CARHSP1: variants seen among roughly 807,000 people sequenced by gnomAD.
CARHSP1 encodes calcium-regulated heat-stable protein 1.
CARHSP1 carries 14 observed loss-of-function variants against 12.5 expected under a neutral mutation model. The ratio of observed to expected loss-of-function variants is 1.12; its 90% CI spans 0.74 to 1.75. The LOEUF is 1.75. Ranked by LOEUF, CARHSP1 falls within the 40% of genes most tolerant of loss-of-function variation. The pLI is 0.00. For missense variants in CARHSP1, 343 were observed against 201.6 expected, an observed-to-expected ratio of 1.70 and a Z score of -4.25; for synonymous variants, 161 against 82.0, an observed-to-expected ratio of 1.96 and a Z score of -5.20.
At position 8,855,158 on chromosome 16, in the gene CARHSP1, C is replaced by A; in HGVS notation, c.*6G>T. ...AGCACAGGACAAGGGGTGCTTCCACCATCTCCTAGGAGCTGATGACATGTC... is the reference window on the plus strand; with the variant it reads ...AGCACAGGACAAGGGGTGCTTCCACAATCTCCTAGGAGCTGATGACATGTC... On this transcript the variant is annotated 3_prime_UTR_variant, in exon 4 of 4. Transcript: ENST00000311052. The A allele has an allele frequency of 1.9e-6, 3 of 1,569,840 alleles. No homozygotes were observed. Among genetic ancestry groups the A allele is most frequent in the Non-Finnish European group, 1.7e-6 (2 of 1,153,638 alleles).
At position 8,858,888 on chromosome 16, in the gene CARHSP1, G is replaced by A. The variant is rs181758766; in HGVS notation, c.158+283C>T. ...CAGCTGCAGAATTCACAGTCTCACAGGGAACCAGACTCTCATGTGTGGTTA... is the reference window on the plus strand; with the variant it reads ...CAGCTGCAGAATTCACAGTCTCACAAGGAACCAGACTCTCATGTGTGGTTA... On this transcript the variant is annotated intron_variant, in intron 2 of 3. Transcript: ENST00000311052. The A allele has an allele frequency of 7.1e-6, 3 of 423,822 alleles. No homozygotes were observed. In the East Asian group the frequency reaches 1.1e-4, roughly 16 times the overall value. The allele number at this position is 423,822 out of a possible 1,614,324, so 26.3% of individuals were successfully genotyped here. A position where few individuals can be genotyped will look rare whatever the true frequency, so the allele number is the denominator to read the frequency against.
At position 8,853,181 on chromosome 16, in the gene CARHSP1, A is replaced by G. The variant is rs2060992409; in HGVS notation, c.*1983T>C. On this transcript the variant is annotated 3_prime_UTR_variant, in exon 4 of 4. Coordinates refer to ENST00000311052, the MANE Select transcript of CARHSP1 (RefSeq NM_014316.4). ...GTGGCCAAACAGGAAGGACAGAGTA[A>G]GAGCCGCTGACAAAGGATTCTGCCA... 1 of 152,110 alleles carries G rather than the reference A, an allele frequency of 6.6e-6. No individual in the cohort carries two copies. Among genetic ancestry groups the G allele is most frequent in the Non-Finnish European group, 1.5e-5 (1 of 68,030 alleles). The allele number at this position is 152,110 out of a possible 1,614,324, so 9.4% of individuals were successfully genotyped here.
At chr16:8,866,348 G>T in intron 1 of CARHSP1, 1 of 786,738 alleles carries the variant, frequency 1.3e-6, no homozygotes, top group Non-Finnish European at 1.5e-6. Flanking sequence ...ACAGCCCAAG[G>T]CTTAACAGTG....
At chr16:8,861,637 C>T (rs1282967385) in intron 1 of CARHSP1, 1 of 1,289,032 alleles carries the variant, frequency 7.8e-7, no homozygotes, top group Non-Finnish European at 1.0e-6. Flanking sequence ...TGGTGGCTGG[C>T]TTGCCTTCTG....
Position 8,859,161 on chromosome 16 carries a change from C to G in CARHSP1, c.158+10G>C. 6.3e-7 allele frequency: 1 copy of G among 1,591,682 alleles called. No homozygotes were observed. The highest frequency in any genetic ancestry group is 8.6e-7 in the Non-Finnish European group (1 of 1,166,612). ...TCTGAGAACGCGTCCCCAGCCTGCT[C>G]CAGACTCACGCCGAGAAGGTCCTCG... On this transcript the variant is annotated intron_variant, in intron 2 of 3. Coordinates refer to ENST00000311052, the MANE Select transcript of CARHSP1 (RefSeq NM_014316.4).
chr16:8,863,047 G>C lies in CARHSP1; in HGVS notation c.-7-3712C>G, dbSNP rs1395025171. ...GCACAGGGCCCCTCTGTGTCCCAAG[G>C]GCCCAGCACAGGCACTGGCACAGAG... On this transcript the variant is annotated intron_variant, in intron 1 of 3. Transcript: ENST00000311052. Among the ~76,000 whole-genome samples the C allele has an allele frequency of 2.0e-5, 3 of 150,802 alleles. No individual in the cohort carries two copies. In the South Asian group the frequency reaches 6.3e-4, roughly 31 times the overall value.
chr16:8,858,788 A>G, intron 2 of CARHSP1: 1 of 424,508 alleles, frequency 2.4e-6, no homozygotes, highest in Non-Finnish European at 4.2e-6. Context: ...AGCATCCTCC[A>G]CTCGCAAGGC....
chr16:8,862,017 T>TTTTTTTTTA (rs869072327), intron 1 of CARHSP1, among the ~76,000 whole-genome samples: 1 of 122,352 alleles, frequency 8.2e-6, no homozygotes, highest in South Asian at 2.6e-4. Flanking sequence ...TTTTTTTTTT[T>TTTTTTTTTA]AATTTGAGAT....
At chr16:8,858,571 G>A (rs1805939531) in intron 2 of CARHSP1, 99 bp from the exon 3 acceptor site, 4 of 1,432,814 alleles carry the variant, frequency 2.8e-6, no homozygotes, top group South Asian at 2.6e-5. Flanking sequence ...TCAAGCCCTG[G>A]CCAGGACCGC....
rs1270524161 is a variant in CARHSP1 at position 8,855,174 on chromosome 16, A to ATGACATGT, written c.426_433dup (p.Ile145AsnfsTer85). ...TGCTTCCACCATCTCCTAGGAGCTG[A>ATGACATGT]TGACATGTCCAGACCAGGTCTCATG... On this transcript the variant is annotated frameshift_variant, in exon 4 of 4. Coordinates refer to ENST00000311052, the MANE Select transcript of CARHSP1 (RefSeq NM_014316.4). LOFTEE classifies it high-confidence loss of function. The ATGACATGT allele has an allele frequency of 6.3e-7, 1 of 1,597,484 alleles. No homozygotes were observed. Among genetic ancestry groups the ATGACATGT allele is most frequent in the Admixed American group, 1.7e-5 (1 of 58,710 alleles).
chr16:8,855,711 C>T (rs771793498), intron 3 of CARHSP1, among the ~76,000 whole-genome samples: 4 of 152,278 alleles, frequency 2.6e-5, no homozygotes, highest in East Asian at 1.9e-4. Flanking sequence ...AGTGAGAATC[C>T]GAGTTGAGGG....
chr16:8,855,093 C>G lies in CARHSP1; in HGVS notation c.*71G>C. The G allele has an allele frequency of 1.5e-6, 2 of 1,322,788 alleles. No homozygotes were observed. Among genetic ancestry groups the G allele is most frequent in the Middle Eastern group, 2.0e-4 (1 of 4,954 alleles). 81.9% of individuals were successfully genotyped at this position (1,322,788 alleles called of 1,614,324 possible). On this transcript the variant is annotated 3_prime_UTR_variant, in exon 4 of 4. Transcript: ENST00000311052. Reference sequence around the variant, plus strand: ...CCCGTCTCGTGTGGAAGAATGTCATCTCCAGTGTCTGCTGCCTCCTCCCTG... The same window carrying G: ...CCCGTCTCGTGTGGAAGAATGTCATGTCCAGTGTCTGCTGCCTCCTCCCTG...
At chr16:8,866,348 G>A (rs891391142) in intron 1 of CARHSP1, 3 of 786,744 alleles carry the variant, frequency 3.8e-6, no homozygotes, top group South Asian at 5.7e-5. Context: ...ACAGCCCAAG[G>A]CTTAACAGTG....
intron 1 of CARHSP1, chr16:8,867,357 C>G (rs2061470351): frequency 6.6e-6 from 1 of 152,350 alleles, no homozygotes; most frequent in Admixed American, 6.5e-5. Flanking sequence ...AGGAGCGGTG[C>G]TGCGTCGCAG....
chr16:8,861,514 C>T (rs1204409225), intron 1 of CARHSP1: 2 of 978,002 alleles, frequency 2.0e-6, no homozygotes, highest in Non-Finnish European at 2.8e-6. Flanking sequence ...CACCCAAGAA[C>T]CAGGCCCGAC....
intron 2 of CARHSP1, 194 bp downstream of exon 2, chr16:8,858,977 C>T (rs1034067119): frequency 1.9e-6 from 1 of 513,358 alleles, no homozygotes; most frequent in African/African-American, 1.9e-5. Context: ...GTAACAGGTT[C>T]TTCTGGGCTG....
chr16:8,860,255 G>A (rs1002870892), intron 1 of CARHSP1: 3 of 982,054 alleles, frequency 3.1e-6, no homozygotes, highest in Non-Finnish European at 2.4e-6. Flanking sequence ...AATTTCCAAG[G>A]CTGCATCCAG....
chr16:8,853,393 A>ACG lies in CARHSP1; in HGVS notation c.*1770_*1771insCG. 1 of 149,884 alleles carries ACG rather than the reference A, an allele frequency of 6.7e-6. No homozygotes were observed. The highest frequency in any genetic ancestry group is 1.5e-5 in the Non-Finnish European group (1 of 67,648). 9.3% of individuals were successfully genotyped at this position (149,884 alleles called of 1,614,324 possible). Reference sequence around the variant, plus strand: ...GCAGAGGCGGGAGAGGAGGGTGAGGATGTACAAGGAGCATCGCAGGCGAGG... The same window carrying ACG: ...GCAGAGGCGGGAGAGGAGGGTGAGGACGTGTACAAGGAGCATCGCAGGCGAGG... On this transcript the variant is annotated 3_prime_UTR_variant, in exon 4 of 4. Transcript: ENST00000311052.
rs1187010374 is a variant in CARHSP1, at chr16:8,853,675, T to C, written c.*1489A>G. The stretch of plus-strand genomic sequence containing the variant: ...TGTTCAGTGGATTCTTGACTACATA[T>C]AGGTCATATATTTCAAAAAATAATG... On this transcript the variant is annotated 3_prime_UTR_variant, in exon 4 of 4. Transcript: ENST00000311052. 2.6e-5 allele frequency: 4 copies of C among 152,204 alleles called. No individual in the cohort carries two copies. Among genetic ancestry groups the C allele is most frequent in the Non-Finnish European group, 5.9e-5 (4 of 68,036 alleles). The allele number at this position is 152,204 out of a possible 1,614,324, so 9.4% of individuals were successfully genotyped here.
Sources: allele counts gnomAD v4.1 joint callset (sites outside exome capture counted in the v4.1 genomes callset), GRCh38; gene constraint gnomAD v4.1.1; transcripts MANE v1.5; gene names NCBI Gene and HGNC (gene_info 2026-07-23, HGNC 2026-07-21).